The following PRDM16 variants were observed in gnomAD, a reference collection of about 807,000 sequenced individuals.
The protein encoded by PRDM16 is histone-lysine N-methyltransferase PRDM16.
A neutral mutation model predicts 110.6 loss-of-function variants in PRDM16; 23 were observed. The observed-to-expected ratio is 0.21, with a 90% CI of 0.15 to 0.29. PRDM16 has a LOEUF of 0.29. Among genes scored for constraint, PRDM16 ranks in the 10% least tolerant of loss-of-function variants. PRDM16 has a pLI of 1.00. For synonymous variants in PRDM16, 799 were observed against 781.8 expected, an observed-to-expected ratio of 1.02 and a Z score of -0.37; for missense variants, 1,615 against 1,794.3, an observed-to-expected ratio of 0.90 and a Z score of 1.81.
intron 1 of PRDM16, among the ~76,000 whole-genome samples, chr1:3,147,755 C>G (rs1643703570): frequency 6.6e-6 from 1 of 152,176 alleles, no homozygotes; most frequent in African/African-American, 2.4e-5. Context: ...CCACCTCCCC[C>G]AGGGTTCTTG....
intron 3 of PRDM16, among the ~76,000 whole-genome samples, chr1:3,338,274 A>G (rs1448630304): frequency 1.3e-5 from 2 of 152,260 alleles, no homozygotes; most frequent in African/African-American, 4.8e-5. Flanking sequence ...TGGTCCTGCC[A>G]GGGGCTCCTG....
intron 9 of PRDM16, among the ~76,000 whole-genome samples, chr1:3,413,208 G>A (rs1015093855): frequency 6.0e-5 from 9 of 149,558 alleles, no homozygotes; most frequent in African/African-American, 2.0e-4. Flanking sequence ...GCCTCTACCT[G>A]CAGAAGTCAG....
intron 3 of PRDM16, among the ~76,000 whole-genome samples, chr1:3,321,156 G>C (rs1001597125): frequency 1.3e-5 from 2 of 152,232 alleles, no homozygotes; most frequent in Non-Finnish European, 2.9e-5. Context: ...GTTGGGAGAG[G>C]GGAATCTGAG....
intron 3 of PRDM16, among the ~76,000 whole-genome samples, chr1:3,356,505 A>G (rs1322098751): frequency 6.6e-6 from 1 of 152,212 alleles, no homozygotes; most frequent in Non-Finnish European, 1.5e-5. Flanking sequence ...AGACGGTCAG[A>G]GGAGGCTGCC....
At chr1:3,313,386 C>T (rs879821839) in intron 3 of PRDM16, among the ~76,000 whole-genome samples, 2 of 152,194 alleles carry the variant, frequency 1.3e-5, no homozygotes, top group Non-Finnish European at 2.9e-5. Context: ...GTGTGCTGAC[C>T]GGCCTGGTCT....
intron 2 of PRDM16, among the ~76,000 whole-genome samples, chr1:3,240,991 G>A (rs772908748): frequency 1.8e-4 from 27 of 152,350 alleles, no homozygotes; most frequent in Non-Finnish European, 3.5e-4. Flanking sequence ...GCCAGCAATC[G>A]AGGAGCCAGC....
At chr1:3,144,846 G>A (rs1643616072) in intron 1 of PRDM16, among the ~76,000 whole-genome samples, 1 of 152,272 alleles carries the variant, frequency 6.6e-6, no homozygotes, top group South Asian at 2.1e-4. Flanking sequence ...CTTGGGTCAG[G>A]GGGCCCTTCT....
At chr1:3,403,135 C>T (rs1025310290) in intron 6 of PRDM16, 137 bp downstream of exon 6, 29 of 824,744 alleles carry the variant, frequency 3.5e-5, no homozygotes, top group Middle Eastern at 3.5e-4. Flanking sequence ...GACAAAGGGC[C>T]CCCTGGTGGG....
chr1:3,354,852 G>C (rs1191841679), intron 3 of PRDM16, among the ~76,000 whole-genome samples: 1 of 152,154 alleles, frequency 6.6e-6, no homozygotes, highest in Non-Finnish European at 1.5e-5. Flanking sequence ...CTCTCTCCCA[G>C]AGGAGAGTGC....
At chr1:3,096,955 C>T (rs1046299961) in intron 1 of PRDM16, among the ~76,000 whole-genome samples, 1 of 152,218 alleles carries the variant, frequency 6.6e-6, no homozygotes. Context: ...AGGCTGCTCT[C>T]TGTGCCCCTT....
intron 1 of PRDM16, among the ~76,000 whole-genome samples, chr1:3,114,447 ACG>A (rs557193881): frequency 2.0e-3 from 265 of 135,812 alleles, no homozygotes; most frequent in African/African-American, 8.6e-3. Context: ...ACAGACGCAC[ACG>A]CACACACACG....
At chr1:3,078,492 TC>T (rs35861997) in intron 1 of PRDM16, among the ~76,000 whole-genome samples, 1 of 152,188 alleles carries the variant, frequency 6.6e-6, no homozygotes, top group Admixed American at 6.5e-5. Context: ...GCTCAGGGCC[TC>T]CTCTCTGCAC....
chr1:3,286,889 G>T (rs1640857091), intron 3 of PRDM16, among the ~76,000 whole-genome samples: 1 of 151,344 alleles, frequency 6.6e-6, no homozygotes, highest in Non-Finnish European at 1.5e-5. Context: ...GGGACTCAAA[G>T]CTGGGTCTGC....
chr1:3,412,672 C>A lies in PRDM16; in HGVS notation c.2475C>A (p.Asn825Lys). Residue 825 changes from asparagine (N) to lysine (K), a missense_variant, in exon 9 of 17, where the codon AAC becomes AAA. Transcript: ENST00000270722. ...GCGGCGGGCGGGAGCCCCGCAAGAA[C>A]CACGTCTATGGGGAACGCAAGCTGG... The part of the protein sequence containing the change: ...QNGGGREPRK[N>K]HVYGERKLGA... 2.0e-6 allele frequency: 3 copies of A among 1,519,018 alleles called. No individual in the cohort carries two copies. Among genetic ancestry groups the A allele is most frequent in the South Asian group, 1.3e-5 (1 of 79,966 alleles). 94.1% of individuals were successfully genotyped at this position (1,519,018 alleles called of 1,614,324 possible).
In PRDM16 at chr1:3,412,126, C is replaced by A. The variant is rs781608108; in HGVS notation, c.1929C>A (p.Ala643=). ...AGGACAAGGGCAAGGGCAAGTCCGCCGAGGGCCAGCCCAAGTTTGGGGGCG... is the reference window on the plus strand; with the variant it reads ...AGGACAAGGGCAAGGGCAAGTCCGCAGAGGGCCAGCCCAAGTTTGGGGGCG... ...PDKDKGKGKS[A]EGQPKFGGGL... is the part of the protein sequence containing the mutation. Residue 643 remains alanine, a synonymous_variant, in exon 9 of 17, where the codon GCC becomes GCA. Transcript: ENST00000270722. 6 of 1,566,350 alleles carry A rather than the reference C, an allele frequency of 3.8e-6. No individual in the cohort carries two copies. In the East Asian group the frequency reaches 1.4e-4, roughly 35 times the overall value.
intron 1 of PRDM16, among the ~76,000 whole-genome samples, chr1:3,142,887 C>A (rs983098919): frequency 1.3e-5 from 2 of 152,194 alleles, no homozygotes; most frequent in African/African-American, 4.8e-5. Flanking sequence ...GGCAAGGGAC[C>A]GGCATGGCTG....
In PRDM16 at chr1:3,124,676, C is replaced by T. The variant is rs138718039; in HGVS notation, c.37+55380C>T. Reference sequence around the variant, plus strand: ...TTGGAGCGGAAGGAAGAATGAGGGCCGGGGGTCAGGTGTATCTGGGCTTGC... The same window carrying T: ...TTGGAGCGGAAGGAAGAATGAGGGCTGGGGGTCAGGTGTATCTGGGCTTGC... On this transcript the variant is annotated intron_variant, in intron 1 of 16. Transcript: ENST00000270722. Among the ~76,000 whole-genome samples, 22 of 152,314 alleles carry T rather than the reference C, an allele frequency of 1.4e-4. No individual in the cohort carries two copies. In the East Asian group the frequency reaches 2.5e-3, roughly 17 times the overall value.
Position 3,162,300 on chromosome 1 carries a change from C to T in PRDM16, c.38-23825C>T, listed in dbSNP as rs1027362002. Reference sequence around the variant, plus strand: ...CGAGTCCCGGGACTTTCTCATCACCCGCCACAGAAACTCCGTGCCCGGTAA... The same window carrying T: ...CGAGTCCCGGGACTTTCTCATCACCTGCCACAGAAACTCCGTGCCCGGTAA... On this transcript the variant is annotated intron_variant, in intron 1 of 16. Transcript: ENST00000270722. Among the ~76,000 whole-genome samples the T allele has an allele frequency of 4.6e-5, 7 of 152,124 alleles. 1 individual carries two copies. The highest frequency in any genetic ancestry group is 3.3e-4 in the Admixed American group (5 of 15,284).
In PRDM16 at chr1:3,175,303, G is replaced by A. The variant is rs1644072390; in HGVS notation, c.38-10822G>A. Among the ~76,000 whole-genome samples the A allele has an allele frequency of 6.6e-6, 1 of 152,204 alleles. No homozygotes were observed. Among genetic ancestry groups the A allele is most frequent in the Non-Finnish European group, 1.5e-5 (1 of 68,032 alleles). Reference sequence around the variant, plus strand: ...GAAGAAGGGCCTTCTGTTCACCAGGGTATACTCGGCAGAGATGTAGGTGTA... The same window carrying A: ...GAAGAAGGGCCTTCTGTTCACCAGGATATACTCGGCAGAGATGTAGGTGTA... On this transcript the variant is annotated intron_variant, in intron 1 of 16. Coordinates refer to ENST00000270722, the MANE Select transcript of PRDM16 (RefSeq NM_022114.4). The surrounding 1 kb of genome is among the most constrained non-coding windows in gnomAD (Gnocchi z 4.8).
Sources: allele counts gnomAD v4.1 joint callset (sites outside exome capture counted in the v4.1 genomes callset), GRCh38; gene constraint gnomAD v4.1.1; non-coding constraint Gnocchi (gnomAD v3.1); transcripts MANE v1.5; gene names NCBI Gene and HGNC (gene_info 2026-07-23, HGNC 2026-07-21).